Variants in SLC5A6 observed in about 807,000 individuals in gnomAD.
The protein encoded by SLC5A6 is sodium-dependent multivitamin transporter.
A neutral mutation model predicts 67.9 loss-of-function variants in SLC5A6; 31 were observed. The ratio of observed to expected loss-of-function variants is 0.46; its 90% CI spans 0.34 to 0.62. The LOEUF (loss-of-function observed/expected upper bound fraction) is 0.62. Ranked by LOEUF, SLC5A6 falls within the 20% of genes least tolerant of loss-of-function variation. The pLI, the probability that SLC5A6 is intolerant of heterozygous loss-of-function variation, is 0.01. For synonymous variants in SLC5A6, 343 were observed against 331.0 expected (o/e 1.04, Z -0.39); for missense variants, 673 against 812.8 (o/e 0.83, Z 2.09).
At position 27,204,005 on chromosome 2, in the gene SLC5A6, G is replaced by A. The variant is rs918003063; in HGVS notation, c.1006-138C>T. The A allele has an allele frequency of 7.7e-6, 5 of 648,154 alleles. No homozygotes were observed. The African/African-American group carries it at 9.1e-5, about 12-fold the overall frequency. The allele number at this position is 648,154 out of a possible 1,614,324, so 40.2% of individuals were successfully genotyped here. Reference sequence around the variant, plus strand: ...CATTACAAGGGAAGCCAGGGCCTGGGGCACCTCTGCTGACCCAAGTGTCTA... The same window carrying A: ...CATTACAAGGGAAGCCAGGGCCTGGAGCACCTCTGCTGACCCAAGTGTCTA... On this transcript the variant is annotated intron_variant, in intron 9 of 16. Transcript: ENST00000310574.
rs145671789 is a variant in SLC5A6 at position 27,201,094 on chromosome 2, G to A, written c.1668C>T (p.Ser556=). The part of the protein sequence containing the change: ...SLLTGRMRGR[S]LNPATIYPVL... ...CTGGGTAAATGGTTGCAGGGTTCAG[G>A]GACCGGCCTCGCATTCTCCCTGAAT... Residue 556 remains serine, a synonymous_variant, in exon 16 of 17, where the codon TCC becomes TCT. Transcript: ENST00000310574. The A allele has an allele frequency of 2.9e-4, 470 of 1,613,304 alleles. No individual in the cohort carries two copies. The highest frequency in any genetic ancestry group is 3.6e-4 in the Non-Finnish European group (429 of 1,179,486).
At chr2:27,212,592 G>A, upstream of SLC5A6, 3 of 1,450,908 alleles carry the variant, frequency 2.1e-6, no homozygotes, top group East Asian at 2.6e-5. Flanking sequence ...GACGCTTCCC[G>A]ACCCTGCCCA....
chr2:27,201,729 G>T lies in SLC5A6; in HGVS notation c.1481C>A (p.Ser494Tyr), dbSNP rs768225616. Reference sequence around the variant, plus strand: ...GGCAACGGTTAGATTGGTGGGCAGGGAGAAGCTGGACCCATTAGAGGGAGA... The same window carrying T: ...GGCAACGGTTAGATTGGTGGGCAGGTAGAAGCTGGACCCATTAGAGGGAGA... Reference protein sequence around the residue: ...PPSPSNGSSFSLPTNLTVATV... With the variant: ...PPSPSNGSSFYLPTNLTVATV... The change falls in exon 14 of 17, where the codon TCC becomes TAC. Residue 494 changes from serine to tyrosine, a missense_variant. Ser to Tyr is a moderately radical substitution (Grantham distance 144). Transcript: ENST00000310574. 3 of 1,614,090 alleles carry T rather than the reference G, an allele frequency of 1.9e-6. No homozygotes were observed. In the African/African-American group the frequency reaches 4.0e-5, roughly 22 times the overall value.
chr2:27,203,120 T>A lies in SLC5A6; in HGVS notation c.1207+113A>T. ...ATGCAGGGAAGGTTGTGTGCTTCATTAGGCAAGTGCTGAGCCCCGGATAAA... is the reference window on the plus strand; with the variant it reads ...ATGCAGGGAAGGTTGTGTGCTTCATAAGGCAAGTGCTGAGCCCCGGATAAA... On this transcript the variant is annotated intron_variant, in intron 11 of 16. Transcript: ENST00000310574. 4 of 1,545,906 alleles carry A rather than the reference T, an allele frequency of 2.6e-6. No individual in the cohort carries two copies. The East Asian group carries it at 9.1e-5, about 35-fold the overall frequency.
At position 27,207,180 on chromosome 2, in the gene SLC5A6, A is replaced by G; in HGVS notation, c.393+78T>C. 1 of 1,491,232 alleles carries G rather than the reference A, an allele frequency of 6.7e-7. No individual in the cohort carries two copies. The highest frequency in any genetic ancestry group is 9.2e-7 in the Non-Finnish European group (1 of 1,084,756). 92.4% of individuals were successfully genotyped at this position (1,491,232 alleles called of 1,614,324 possible). ...TTAGGTGGAGGAGGTCTAGGGTCCC[A>G]GGTCCTTCCTATGTGCCTGTCCCTC... is the stretch of plus-strand genomic sequence containing the variant. On this transcript the variant is annotated intron_variant, in intron 3 of 16. Coordinates refer to ENST00000310574, the MANE Select transcript of SLC5A6 (RefSeq NM_021095.4). This position sits in a 1 kb window ranked among gnomAD's most constrained non-coding sequence, Gnocchi z 5.5.
At chr2:27,206,646 T>A (rs1480436189) in intron 4 of SLC5A6, 112 bp from the exon 5 acceptor site, 15 of 1,049,216 alleles carry the variant, frequency 1.4e-5, no homozygotes, top group Non-Finnish European at 2.1e-5. Context: ...CTAGGCTCAC[T>A]TCCCTCTTCC....
rs776331506 is a variant in SLC5A6, at chr2:27,201,437, G to A, written c.1561C>T (p.Arg521Trp). ...CATAAGTAAGACAAGGAATAGAACC[G>A]CTGCAGCCCTGTGGGCCTGGGAAGA... ...TTFSKPTGLQ[R>W]FYSLSYLWYS... Residue 521 changes from arginine to tryptophan, a missense_variant, in exon 15 of 17, where the codon CGG becomes TGG. Coordinates refer to ENST00000310574, the MANE Select transcript of SLC5A6 (RefSeq NM_021095.4). The A allele has an allele frequency of 3.1e-5, 50 of 1,611,678 alleles. No individual in the cohort carries two copies. The highest frequency in any genetic ancestry group is 2.7e-4 in the Admixed American group (16 of 60,000).
rs1207838754 is a variant in SLC5A6, at chr2:27,207,021, A to C, written c.394-79T>G. ...GACAAATTCCCTCAAGATGCTCAGG[A>C]ACATGAGGGAATATCCAACCCATAC... On this transcript the variant is annotated intron_variant, in intron 3 of 16. Coordinates refer to ENST00000310574, the MANE Select transcript of SLC5A6 (RefSeq NM_021095.4). The surrounding 1 kb of genome is among the most constrained non-coding windows in gnomAD (Gnocchi z 5.5). The C allele has an allele frequency of 7.8e-7, 1 of 1,281,574 alleles. No homozygotes were observed. Among genetic ancestry groups the C allele is most frequent in the Non-Finnish European group, 1.1e-6 (1 of 877,470 alleles). 79.4% of individuals were successfully genotyped at this position (1,281,574 alleles called of 1,614,324 possible).
intron 10 of SLC5A6, 39 bp downstream of exon 10, chr2:27,203,740 A>C: frequency 1.3e-4 from 172 of 1,316,500 alleles, no homozygotes; most frequent in Middle Eastern, 1.8e-4. Context: ...AATAGGGGTC[A>C]GGTGCACCAG....
In SLC5A6 at chr2:27,203,304, A is replaced by G. The variant is rs758373939; in HGVS notation, c.1136T>C (p.Met379Thr). Residue 379 changes from methionine (M) to threonine (T), a missense_variant, in exon 11 of 17, where the codon ATG (methionine) becomes ACG (threonine). By Grantham distance (81) the Met-to-Thr change is moderately conservative. Transcript: ENST00000310574. Reference sequence around the variant, plus strand: ...GAACCAAGGTCGAATCAGGTCTTCCATCGTAACAGTTGCCAATGAATTAAA... The same window carrying G: ...GAACCAAGGTCGAATCAGGTCTTCCGTCGTAACAGTTGCCAATGAATTAAA... ...SAFNSLATVTMEDLIRPWFPE... is the reference protein window; with the variant it reads ...SAFNSLATVTTEDLIRPWFPE... 1 of 1,614,186 alleles carries G rather than the reference A, an allele frequency of 6.2e-7. No homozygotes were observed. The highest frequency in any genetic ancestry group is 1.1e-5 in the South Asian group (1 of 91,082).
chr2:27,201,565 T>C (rs1673635288), intron 14 of SLC5A6, 101 bp downstream of exon 14: 1 of 1,394,782 alleles, frequency 7.2e-7, no homozygotes, highest in Non-Finnish European at 1.0e-6. Context: ...ATACCCAACA[T>C]TTCCCTGGGG....
rs140443329 is a variant in SLC5A6, at chr2:27,201,436, C to T, written c.1562G>A (p.Arg521Gln). ...CCATAAGTAAGACAAGGAATAGAACCGCTGCAGCCCTGTGGGCCTGGGAAG... is the reference window on the plus strand; with the variant it reads ...CCATAAGTAAGACAAGGAATAGAACTGCTGCAGCCCTGTGGGCCTGGGAAG... ...TTFSKPTGLQ[R>Q]FYSLSYLWYS... Residue 521 changes from arginine (R) to glutamine (Q), a missense_variant, in exon 15 of 17, where the codon CGG becomes CAG. Coordinates refer to ENST00000310574, the MANE Select transcript of SLC5A6 (RefSeq NM_021095.4). 1,107 of 1,612,362 alleles carry T rather than the reference C, an allele frequency of 6.9e-4. 1 individual carries two copies. Among genetic ancestry groups the T allele is most frequent in the Middle Eastern group, 6.6e-4 (4 of 6,056 alleles).
rs1057133479 is a variant in SLC5A6 at position 27,201,258 on chromosome 2, G to A, written c.1648+92C>T. The A allele has an allele frequency of 3.0e-6, 3 of 1,003,318 alleles. No homozygotes were observed. In the African/African-American group the frequency reaches 4.8e-5, roughly 16 times the overall value. The allele number at this position is 1,003,318 out of a possible 1,614,324, so 62.2% of individuals were successfully genotyped here. On this transcript the variant is annotated intron_variant, in intron 15 of 16. Transcript: ENST00000310574. Reference sequence around the variant, plus strand: ...GCCTGACAGCTACGGACACCCAAGAGCTCAGAGGGCAGGAGCCTTTCTCCC... The same window carrying A: ...GCCTGACAGCTACGGACACCCAAGAACTCAGAGGGCAGGAGCCTTTCTCCC...
chr2:27,204,939 A>G lies in SLC5A6; in HGVS notation c.735-8T>C, dbSNP rs1226382710. 7 of 1,612,024 alleles carry G rather than the reference A, an allele frequency of 4.3e-6. No homozygotes were observed. The highest frequency in any genetic ancestry group is 1.3e-5 in the African/African-American group (1 of 74,946). On this transcript the variant is annotated splice_region_variant and splice_polypyrimidine_tract_variant and intron_variant, in intron 7 of 16. Transcript: ENST00000310574. ...AAGGGGTCTGGATCCAGCCTGTAAC[A>G]GACACCACCCAGTCATTGTGCAAAG...
chr2:27,207,560 CCA>C lies in SLC5A6; in HGVS notation c.89_90del (p.Val30GlyfsTer28), dbSNP rs1674164051. 1 of 1,614,110 alleles carries C rather than the reference CCA, an allele frequency of 6.2e-7. No individual in the cohort carries two copies. Among genetic ancestry groups the C allele is most frequent in the Non-Finnish European group, 8.5e-7 (1 of 1,180,050 alleles). Reference sequence around the variant, plus strand: ...GAGAGAACCAGCAGCAGGACGAACACCACATAGTCCATGATGGAGAAGGTAGA... The same window carrying C: ...GAGAGAACCAGCAGCAGGACGAACACCATAGTCCATGATGGAGAAGGTAGA... ...GMSTFSIMDY[V>X]VFVLLLVLSL... is the part of the protein sequence containing the mutation. On this transcript the variant is annotated frameshift_variant, in exon 3 of 17. Coordinates refer to ENST00000310574, the MANE Select transcript of SLC5A6 (RefSeq NM_021095.4). LOFTEE classifies it high-confidence loss of function. This position sits in a 1 kb window ranked among gnomAD's most constrained non-coding sequence, Gnocchi z 5.5.
intron 13 of SLC5A6, 26 bp from the exon 14 acceptor site, chr2:27,201,873 C>T: frequency 6.2e-7 from 1 of 1,612,698 alleles, no homozygotes; most frequent in Non-Finnish European, 8.5e-7. Context: ...GCAGGCCTGT[C>T]ACAAGGCCAG....
intron 5 of SLC5A6, 84 bp from the exon 6 acceptor site, chr2:27,206,177 C>A: frequency 8.7e-7 from 1 of 1,146,360 alleles, no homozygotes; most frequent in South Asian, 1.3e-5. Context: ...CGTCATGCCA[C>A]AGAGATAAAG....
At position 27,201,865 on chromosome 2, in the gene SLC5A6, A is replaced by C. The variant is rs376214236; in HGVS notation, c.1363-18T>G. The C allele has an allele frequency of 6.2e-7, 1 of 1,613,204 alleles. No individual in the cohort carries two copies. Among genetic ancestry groups the C allele is most frequent in the South Asian group, 1.1e-5 (1 of 91,074 alleles). On this transcript the variant is annotated intron_variant, in intron 13 of 16. Coordinates refer to ENST00000310574, the MANE Select transcript of SLC5A6 (RefSeq NM_021095.4). Reference sequence around the variant, plus strand: ...ACAGCACCCTGCCGAGACACAGTGCAGGCCTGTCACAAGGCCAGTCCTGCC... The same window carrying C: ...ACAGCACCCTGCCGAGACACAGTGCCGGCCTGTCACAAGGCCAGTCCTGCC...
chr2:27,202,123 A>T, intron 12 of SLC5A6, 49 bp from the exon 13 acceptor site: 3 of 1,322,200 alleles, frequency 2.3e-6, no homozygotes, highest in Non-Finnish European at 3.3e-6. Flanking sequence ...AGACTCAGAG[A>T]TGCCCAGACT....
Sources: allele counts gnomAD v4.1 joint callset, GRCh38; gene constraint gnomAD v4.1.1; non-coding constraint Gnocchi (gnomAD v3.1); transcripts MANE v1.5; gene names NCBI Gene and HGNC (gene_info 2026-07-23, HGNC 2026-07-21).